The following CAMTA1 variants were observed in gnomAD, a reference collection of about 807,000 sequenced individuals.
CAMTA1 encodes the protein calmodulin-binding transcription activator 1.
Under a neutral mutation model 170.9 loss-of-function variants are expected in CAMTA1, and 27 were observed. That is an observed-to-expected ratio of 0.16 (90% confidence interval 0.12 to 0.22). The LOEUF (loss-of-function observed/expected upper bound fraction) is 0.22, where lower values mean the gene tolerates loss of function less well. Ranked by LOEUF, CAMTA1 falls within the 10% of genes least tolerant of loss-of-function variation. The probability of loss-of-function intolerance (pLI) is 1.00; values close to 1 mark genes in which losing one functional copy is unlikely to be tolerated. For synonymous variants in CAMTA1, 833 were observed against 891.5 expected (o/e 0.93, Z 1.17); for missense variants, 1,619 against 2,217.2 (o/e 0.73, Z 5.42).
intron 6 of CAMTA1, among the ~76,000 whole-genome samples, chr1:7,598,468 G>A (rs1375822921): frequency 3.9e-5 from 6 of 152,194 alleles, no homozygotes; most frequent in Non-Finnish European, 7.3e-5. Context: ...GGATGGTTGG[G>A]TCAAATGGTA....
rs549861174 is a variant in CAMTA1 at position 7,178,885 on chromosome 1, C to T, written c.303-70606C>T. On this transcript the variant is annotated intron_variant, in intron 4 of 22. Transcript: ENST00000303635. ...CTGTTCTGTTAATCTTTTCAAAACA[C>T]GATTGGATTGGAAGCATCCATTCTC... is the stretch of plus-strand genomic sequence containing the variant. 2.6e-5 allele frequency among the ~76,000 whole-genome samples: 4 copies of T among 152,338 alleles called. No individual in the cohort carries two copies. In the South Asian group the frequency reaches 6.2e-4, roughly 24 times the overall value.
intron 6 of CAMTA1, among the ~76,000 whole-genome samples, chr1:7,481,731 C>G (rs2093538663): frequency 6.6e-6 from 1 of 152,136 alleles, no homozygotes; most frequent in African/African-American, 2.4e-5. Flanking sequence ...TAAGCAACAG[C>G]CACAGCACAC....
At position 7,482,315 on chromosome 1, in the gene CAMTA1, T is replaced by A. The variant is rs1050767727; in HGVS notation, c.510+14414T>A. ...TACTTGTTTATTGGATAGGTGTGAA[T>A]GGTGTCCATCCATCCAGCACCGGGC... On this transcript the variant is annotated intron_variant, in intron 6 of 22. Transcript: ENST00000303635. This position sits in a 1 kb window ranked among gnomAD's most constrained non-coding sequence, Gnocchi z 4.2. Among the ~76,000 whole-genome samples, 2 of 152,162 alleles carry A rather than the reference T, an allele frequency of 1.3e-5. No homozygotes were observed. Among genetic ancestry groups the A allele is most frequent in the Non-Finnish European group, 1.5e-5 (1 of 68,032 alleles).
At chr1:7,559,374 C>T (rs2094926640) in intron 6 of CAMTA1, among the ~76,000 whole-genome samples, 1 of 152,112 alleles carries the variant, frequency 6.6e-6, no homozygotes, top group South Asian at 2.1e-4. Context: ...TGGACGGCCA[C>T]AGCACCTCTT....
chr1:7,397,840 G>C (rs1005014654), intron 5 of CAMTA1, among the ~76,000 whole-genome samples: 2 of 151,820 alleles, frequency 1.3e-5, no homozygotes, highest in Non-Finnish European at 2.9e-5. Context: ...GATCAGAAAA[G>C]ATACATGATA....
chr1:7,399,164 G>A (rs1195701945), intron 5 of CAMTA1, among the ~76,000 whole-genome samples: 3 of 152,122 alleles, frequency 2.0e-5, no homozygotes, highest in African/African-American at 4.8e-5. Context: ...GAAAGGTTTG[G>A]TTCTGTTCTC....
intron 5 of CAMTA1, among the ~76,000 whole-genome samples, chr1:7,267,425 A>T (rs1669097627): frequency 6.6e-6 from 1 of 152,070 alleles, no homozygotes; most frequent in Non-Finnish European, 1.5e-5. Context: ...AAGTTTTAGG[A>T]GCTTTCTGGG....
intron 11 of CAMTA1, among the ~76,000 whole-genome samples, chr1:7,726,972 T>C (rs1417325586): frequency 6.6e-6 from 1 of 152,182 alleles, no homozygotes. Context: ...GCTGCTTCAC[T>C]TGGACTGTCC....
At position 7,768,948 on chromosome 1, in the gene CAMTA1, A is replaced by G. The variant is rs192472347; in HGVS notation, c.*2457A>G. On this transcript the variant is annotated 3_prime_UTR_variant, in exon 23 of 23. Transcript: ENST00000303635. ...CTTTATTCCATTTATTATGGTACAA[A>G]TAACTGATGTTTTAACCAGAGTAAT... The G allele has an allele frequency of 7.2e-5, 11 of 152,458 alleles. No homozygotes were observed. In the East Asian group the frequency reaches 2.1e-3, roughly 29 times the overall value. 9.4% of individuals were successfully genotyped at this position (152,458 alleles called of 1,614,324 possible).
In CAMTA1 at chr1:6,943,846, CAA is replaced by C. The variant is rs1198830005; in HGVS notation, c.234+118657_234+118658del. 1.1e-3 allele frequency among the ~76,000 whole-genome samples: 56 copies of C among 51,674 alleles called. 1 individual carries two copies. The highest frequency in any genetic ancestry group is 3.5e-3 in the African/African-American group (47 of 13,420). The allele number at this position is 51,674 out of a possible 152,430, so 33.9% of individuals were successfully genotyped here. A position where few individuals can be genotyped will look rare whatever the true frequency, so the allele number is the denominator to read the frequency against. ...TGGGTGACAGAAGGAGACTCTGTCT[CAA>C]AAAAAAAAAAAAAAAAAAAAGAAAA... is the stretch of plus-strand genomic sequence containing the variant. On this transcript the variant is annotated intron_variant, in intron 3 of 22. Transcript: ENST00000303635.
intron 3 of CAMTA1, among the ~76,000 whole-genome samples, chr1:7,045,804 G>A (rs1419464311): frequency 6.6e-6 from 1 of 152,214 alleles, no homozygotes; most frequent in African/African-American, 2.4e-5. Context: ...TTGGAGTTAA[G>A]CACATCCTTC....
intron 6 of CAMTA1, among the ~76,000 whole-genome samples, chr1:7,481,485 A>G (rs1343950817): frequency 6.6e-6 from 1 of 151,462 alleles, no homozygotes; most frequent in Admixed American, 6.6e-5. Flanking sequence ...TCAACTTTCA[A>G]CTCCACATCA....
chr1:6,891,525 T>A (rs1160302315), intron 3 of CAMTA1, among the ~76,000 whole-genome samples: 5 of 152,238 alleles, frequency 3.3e-5, no homozygotes, highest in African/African-American at 1.2e-4. Context: ...TTTTCCCTGC[T>A]TGTACAGCTA....
chr1:6,982,393 T>A (rs562334939), intron 3 of CAMTA1, among the ~76,000 whole-genome samples: 2 of 152,154 alleles, frequency 1.3e-5, no homozygotes, highest in African/African-American at 4.8e-5. Flanking sequence ...CCACAGGCAA[T>A]TGGGAATCCC....
chr1:7,594,902 C>T (rs1401819467), intron 6 of CAMTA1, among the ~76,000 whole-genome samples: 2 of 152,140 alleles, frequency 1.3e-5, no homozygotes, highest in Non-Finnish European at 2.9e-5. Context: ...TAGACAGATC[C>T]AGCAGGCAGT....
chr1:6,795,558 G>A (rs534528153), intron 1 of CAMTA1, among the ~76,000 whole-genome samples: 1 of 152,272 alleles, frequency 6.6e-6, no homozygotes, highest in East Asian at 1.9e-4. Context: ...ATGATAGTTT[G>A]TGCCATATAC....
At chr1:7,383,074 G>A (rs1333814543) in intron 5 of CAMTA1, among the ~76,000 whole-genome samples, 1 of 152,140 alleles carries the variant, frequency 6.6e-6, no homozygotes, top group Non-Finnish European at 1.5e-5. Context: ...GTTCTATGTG[G>A]GAAGAAGTAA....
rs1398307484 is a variant in CAMTA1 at position 7,091,349 on chromosome 1, C to G, written c.280C>G (p.Leu94Val). The stretch of plus-strand genomic sequence containing the variant: ...AACATTTGAGAAACACGAAGAATGG[C>G]TAACCACCTCCCCTAAGACAAGGTA... ...LITFEKHEEW[L>V]TTSPKTRPQN... The change falls in exon 4 of 23, where the codon CTA becomes GTA. Residue 94 changes from leucine to valine, a missense_variant. Coordinates refer to ENST00000303635, the MANE Select transcript of CAMTA1 (RefSeq NM_015215.4). 3.7e-6 allele frequency: 6 copies of G among 1,612,556 alleles called. No individual in the cohort carries two copies. Among genetic ancestry groups the G allele is most frequent in the Non-Finnish European group, 5.1e-6 (6 of 1,178,538 alleles).
rs544398225 is a variant in CAMTA1, at chr1:7,768,287, A to G, written c.*1796A>G. The stretch of plus-strand genomic sequence containing the variant: ...GCATGGTATATTACTATTTCCACAT[A>G]ATGAGGAGCCAAAGAAATCTGATGT... On this transcript the variant is annotated 3_prime_UTR_variant, in exon 23 of 23. Transcript: ENST00000303635. 6.5e-6 allele frequency: 1 copy of G among 152,866 alleles called. No homozygotes were observed. The highest frequency in any genetic ancestry group is 2.1e-4 in the South Asian group (1 of 4,826). 9.5% of individuals were successfully genotyped at this position (152,866 alleles called of 1,614,324 possible).
Sources: allele counts gnomAD v4.1 joint callset (sites outside exome capture counted in the v4.1 genomes callset), GRCh38; gene constraint gnomAD v4.1.1; non-coding constraint Gnocchi (gnomAD v3.1); transcripts MANE v1.5; gene names NCBI Gene and HGNC (gene_info 2026-07-23, HGNC 2026-07-21).